Variants in TTC21B observed in about 807,000 individuals in gnomAD.
The protein encoded by TTC21B is tetratricopeptide repeat protein 21B.
TTC21B carries 127 observed loss-of-function variants against 175.1 expected under a neutral mutation model. The ratio of observed to expected loss-of-function variants is 0.73; its 90% confidence interval spans 0.63 to 0.84. TTC21B has a LOEUF of 0.84. Among genes scored for constraint, TTC21B ranks in the 40% least tolerant of loss-of-function variants. TTC21B has a pLI of 0.00. For synonymous variants in TTC21B, 524 were observed against 524.5 expected (o/e 1.00, Z 0.01); for missense variants, 1,561 against 1,558.3 (o/e 1.00, Z -0.03).
chr2:165,949,965 A>C lies in TTC21B; in HGVS notation c.22-241T>G, dbSNP rs535687566. The C allele has an allele frequency of 2.6e-4, 94 of 366,872 alleles. No individual in the cohort carries two copies. The Middle Eastern group carries it at 4.0e-3, about 16-fold the overall frequency. 22.7% of individuals were successfully genotyped at this position (366,872 alleles called of 1,614,324 possible). ...CTAATAATTTAAATTATTTTTCCTA[A>C]GTTTTTGTTAACAGCACCGAAATGA... is the stretch of plus-strand genomic sequence containing the variant. On this transcript the variant is annotated intron_variant, in intron 1 of 28. Coordinates refer to ENST00000243344, the MANE Select transcript of TTC21B (RefSeq NM_024753.5).
At position 165,912,502 on chromosome 2, in the gene TTC21B, TA is replaced by T; in HGVS notation, c.2322+11del. ...GATGCAACAGACATATTTCAAACAATAAAGTACTTACCATTGAGTAGTTATG... is the reference window on the plus strand; with the variant it reads ...GATGCAACAGACATATTTCAAACAATAAGTACTTACCATTGAGTAGTTATG... On this transcript the variant is annotated intron_variant, in intron 17 of 28. Transcript: ENST00000243344. 6.3e-7 allele frequency: 1 copy of T among 1,596,916 alleles called. No homozygotes were observed.
chr2:165,886,415 T>G (rs1222988973), intron 25 of TTC21B, among the ~76,000 whole-genome samples: 1 of 152,182 alleles, frequency 6.6e-6, no homozygotes, highest in Admixed American at 6.5e-5. Context: ...ACATTATTTA[T>G]CTTTGTGTTT....
chr2:165,897,671 C>T (rs574634139), intron 22 of TTC21B, among the ~76,000 whole-genome samples: 13 of 152,128 alleles, frequency 8.5e-5, no homozygotes, highest in African/African-American at 3.1e-4. Flanking sequence ...TATAAAGCCA[C>T]GCACCTGGAC....
intron 6 of TTC21B, 26 bp from the exon 7 acceptor site, chr2:165,933,083 T>G (rs1686973389): frequency 1.3e-6 from 2 of 1,596,770 alleles, no homozygotes; most frequent in South Asian, 2.2e-5. Flanking sequence ...TTAGTTAATG[T>G]CAAAATAAAT....
intron 5 of TTC21B, among the ~76,000 whole-genome samples, chr2:165,942,899 G>C (rs1408945181): frequency 6.6e-6 from 1 of 152,130 alleles, no homozygotes; most frequent in Non-Finnish European, 1.5e-5. Context: ...GTTTTCTCTT[G>C]CTCAGGGTTT....
At chr2:165,953,131 C>G (rs1292006316) in intron 1 of TTC21B, among the ~76,000 whole-genome samples, 1 of 152,182 alleles carries the variant, frequency 6.6e-6, no homozygotes, top group Non-Finnish European at 1.5e-5. Flanking sequence ...ATTTTATTTT[C>G]AAGCCTCATG....
chr2:165,892,501 T>A (rs546801991), intron 22 of TTC21B, among the ~76,000 whole-genome samples: 7 of 152,266 alleles, frequency 4.6e-5, no homozygotes, highest in South Asian at 2.1e-4. Flanking sequence ...AAATGTAGTA[T>A]GTACATATAA....
At chr2:165,934,564 T>C (rs1317070287) in intron 6 of TTC21B, among the ~76,000 whole-genome samples, 1 of 134,180 alleles carries the variant, frequency 7.5e-6, no homozygotes, top group Non-Finnish European at 1.6e-5. Context: ...ATAAAAATTA[T>C]CAGAGTCCAT....
Position 165,931,822 on chromosome 2 carries a change from A to C in TTC21B, c.830T>G (p.Leu277Trp). Residue 277 changes from leucine (L) to tryptophan (W), a missense_variant, in exon 8 of 29, where the codon TTG (leucine) becomes TGG (tryptophan). Transcript: ENST00000243344. ...AGCATTCTGTGGTTCCATGGCATCC[A>C]ATGTATTTCCCAAGTTTTCCAGCTT... ...STKLENLGNT[L>W]DAMEPQNAQL... The C allele has an allele frequency of 6.2e-7, 1 of 1,613,644 alleles. No individual in the cohort carries two copies. The highest frequency in any genetic ancestry group is 8.5e-7 in the Non-Finnish European group (1 of 1,179,630).
intron 22 of TTC21B, among the ~76,000 whole-genome samples, chr2:165,898,078 A>G (rs925744977): frequency 6.6e-6 from 1 of 152,216 alleles, no homozygotes; most frequent in Non-Finnish European, 1.5e-5. Flanking sequence ...GAGGAAGGGC[A>G]TAGTAATTGG....
intron 20 of TTC21B, among the ~76,000 whole-genome samples, chr2:165,900,764 CTAAAT>C (rs1217274829): frequency 1.3e-5 from 2 of 149,312 alleles, no homozygotes; most frequent in African/African-American, 5.1e-5. Flanking sequence ...TTTTGATAAA[CTAAAT>C]TGATACAATA....
At chr2:165,928,686 G>A (rs1227117707) in intron 11 of TTC21B, 1 of 180,124 alleles carries the variant, frequency 5.6e-6, no homozygotes, top group Non-Finnish European at 1.2e-5. Flanking sequence ...GGAGCAGAAG[G>A]AGGACCAGTA....
intron 15 of TTC21B, among the ~76,000 whole-genome samples, chr2:165,914,698 T>TGTGTGTGTGTGTGTGTGTGTGTGTGTGTG (rs71031214): frequency 1.8e-4 from 24 of 132,436 alleles, no homozygotes; most frequent in African/African-American, 2.8e-4. Flanking sequence ...TGTGTGTGTG[T>TGTGTGTGTGTGTGTGTGTGTGTGTGTGTG]TGTGTATCCC....
intron 26 of TTC21B, 98 bp downstream of exon 26, chr2:165,883,696 A>T (rs905515224): frequency 2.2e-5 from 21 of 971,216 alleles, no homozygotes; most frequent in Non-Finnish European, 3.2e-5. Flanking sequence ...CAAAAATCAC[A>T]CAGGAATCCT....
At chr2:165,914,657 C>CTGGGTGTGTGTGTGTGTG (rs1686078709) in intron 15 of TTC21B, among the ~76,000 whole-genome samples, 1 of 118,142 alleles carries the variant, frequency 8.5e-6, no homozygotes, top group Admixed American at 8.8e-5. Context: ...GAAGAGCAAT[C>CTGGGTGTGTGTGTGTGTG]TGTGTGTGTG....
chr2:165,922,572 A>AG (rs1177273097), intron 12 of TTC21B, among the ~76,000 whole-genome samples: 2 of 150,998 alleles, frequency 1.3e-5, no homozygotes, highest in African/African-American at 2.4e-5. Flanking sequence ...AAGTCAAAAA[A>AG]AAAAAAAAAA....
chr2:165,935,752 T>C (rs533325850), intron 6 of TTC21B, among the ~76,000 whole-genome samples: 2 of 152,062 alleles, frequency 1.3e-5, no homozygotes, highest in Non-Finnish European at 2.9e-5. Flanking sequence ...TACATATAAA[T>C]CTAACAAAAT....
rs1559053684 is a variant in TTC21B, at chr2:165,911,314, A to AAG, written c.2461+11_2461+12dup. On this transcript the variant is annotated intron_variant, in intron 18 of 28. Transcript: ENST00000243344. ...GTTATCAGACTTTTTTCAAACCAGA[A>AAG]AGACTTTCATACCAGGTTCATGAGC... 6.2e-7 allele frequency: 1 copy of AAG among 1,613,730 alleles called. No individual in the cohort carries two copies. The highest frequency in any genetic ancestry group is 1.7e-5 in the Admixed American group (1 of 60,014).
At position 165,880,813 on chromosome 2, in the gene TTC21B, G is replaced by A; in HGVS notation, c.3685-14C>T. 6.2e-7 allele frequency: 1 copy of A among 1,610,644 alleles called. No individual in the cohort carries two copies. The highest frequency in any genetic ancestry group is 8.5e-7 in the Non-Finnish European group (1 of 1,178,772). ...TTTGCAGCAAGACTGAAGAAAAATGGGAGACATCAATAGATTAAACTTGAT... is the reference window on the plus strand; with the variant it reads ...TTTGCAGCAAGACTGAAGAAAAATGAGAGACATCAATAGATTAAACTTGAT... On this transcript the variant is annotated splice_polypyrimidine_tract_variant and intron_variant, in intron 26 of 28. Transcript: ENST00000243344.
Sources: gnomAD v4.1 joint callset for allele counts (sites outside exome capture counted in the v4.1 genomes callset) on GRCh38, gnomAD v4.1.1 for gene constraint, MANE v1.5 for transcripts, NCBI Gene and HGNC (gene_info 2026-07-23, HGNC 2026-07-21) for gene names.